The following C12orf57 variants were observed in gnomAD, a reference collection of about 807,000 sequenced individuals.
C12orf57 encodes chromosome 12 open reading frame 57, also known as protein C10.
Under a neutral mutation model 11.3 loss-of-function variants are expected in C12orf57, and 14 were observed. That is an observed-to-expected ratio of 1.24 (90% CI 0.82 to 1.94). C12orf57 has a LOEUF of 1.94. Ranked by LOEUF, C12orf57 falls within the 30% of genes most tolerant of loss-of-function variation. The pLI is 0.00. For missense variants in C12orf57, 229 were observed against 172.4 expected (o/e 1.33, Z -1.84); for synonymous variants, 100 against 74.6 (o/e 1.34, Z -1.76).
chr12:6,944,812 A>G, intron 2 of C12orf57, 160 bp downstream of exon 2: 3 of 1,464,934 alleles, frequency 2.0e-6, no homozygotes, highest in Middle Eastern at 1.8e-4. Flanking sequence ...CCCAGGGTCT[A>G]CCCTGAGCTT....
rs782400028 is a variant in C12orf57 at position 6,945,891 on chromosome 12, C to T, written c.350C>T (p.Pro117Leu). Residue 117 changes from proline to leucine, a missense_variant, in exon 3 of 3, where the codon CCT becomes CTT. Transcript: ENST00000229281. ...CCCATGACCCTGCCACCCCATGGGCCTGCTGCTGGTGGCAGCGTGGCCGCC... is the reference window on the plus strand; with the variant it reads ...CCCATGACCCTGCCACCCCATGGGCTTGCTGCTGGTGGCAGCGTGGCCGCC... ...LPPMTLPPHG[P>L]AAGGSVAAS 1.6e-5 allele frequency: 26 copies of T among 1,613,234 alleles called. No homozygotes were observed. The highest frequency in any genetic ancestry group is 9.9e-5 in the South Asian group (9 of 90,994).
intron 1 of C12orf57, 24 bp from the exon 2 acceptor site, chr12:6,944,452 C>G (rs781793091): frequency 5.6e-6 from 9 of 1,607,330 alleles, no homozygotes; most frequent in African/African-American, 2.7e-5. Context: ...CGGGACGCCT[C>G]CCTGGGATGC....
chr12:6,943,539 C>T (rs1555145306), upstream of C12orf57: 8 of 1,287,794 alleles, frequency 6.2e-6, no homozygotes, highest in Non-Finnish European at 7.1e-6. Context: ...CTGCCGAATC[C>T]AGGTCTCCGG....
At chr12:6,943,961 A>T, upstream of C12orf57, 2 of 1,534,476 alleles carry the variant, frequency 1.3e-6, no homozygotes, top group Non-Finnish European at 1.7e-6. Context: ...TGCAGTTGTA[A>T]GCTTGGGGTA....
upstream of C12orf57, chr12:6,943,934 A>C (rs985127361): frequency 7.8e-5 from 105 of 1,346,154 alleles, no homozygotes; most frequent in Non-Finnish European, 5.4e-5. Context: ...AATTATGGGT[A>C]GTTTTGGTGG....
At chr12:6,943,895 C>CTAATGAAAGAAAG (rs1591671946), upstream of C12orf57, 3 of 1,082,484 alleles carry the variant, frequency 2.8e-6, no homozygotes, top group East Asian at 2.7e-5. Context: ...ATGTTTGTTG[C>CTAATGAAAGAAAG]CAATGATAGA....
In C12orf57 at chr12:6,944,641, G is replaced by T. The variant is rs1555146073; in HGVS notation, c.218G>T (p.Cys73Phe). The T allele has an allele frequency of 1.9e-6, 3 of 1,612,040 alleles. No individual in the cohort carries two copies. Among genetic ancestry groups the T allele is most frequent in the South Asian group, 2.2e-5 (2 of 91,078 alleles). Residue 73 changes from cysteine to phenylalanine, a missense_variant, in exon 2 of 3, where the codon TGC becomes TTC. Cys to Phe is a radical substitution (Grantham distance 205, BLOSUM62 -2). Coordinates refer to ENST00000229281, the MANE Select transcript of C12orf57 (RefSeq NM_138425.4). ...QEVIKAYGFSCDGEGVLKFAR... is the reference protein window; with the variant it reads ...QEVIKAYGFSFDGEGVLKFAR... ...GTTATCAAAGCCTATGGCTTCAGCT[G>T]CGACGGGGAAGGTGGGTCAGACGCG... is the stretch of plus-strand genomic sequence containing the variant.
upstream of C12orf57, chr12:6,943,853 T>A (rs782427287): frequency 1.1e-6 from 1 of 909,286 alleles, no homozygotes; most frequent in East Asian, 3.2e-5. Context: ...CTAGTAGGCT[T>A]TCTGGCTTTT....
In C12orf57 at chr12:6,944,061, G is replaced by T; in HGVS notation, c.-61G>T. On this transcript the variant is annotated 5_prime_UTR_variant, in exon 1 of 3. Coordinates refer to ENST00000229281, the MANE Select transcript of C12orf57 (RefSeq NM_138425.4). ...GGGGCGTTGGGAACGGTTGTAGGAC[G>T]TGGCTCTTTATTCGTGAGTTTTCCA... 6.2e-7 allele frequency: 1 copy of T among 1,613,110 alleles called. No homozygotes were observed. Among genetic ancestry groups the T allele is most frequent in the Non-Finnish European group, 8.5e-7 (1 of 1,179,836 alleles).
At position 6,944,483 on chromosome 12, in the gene C12orf57, C is replaced by T. The variant is rs1201009084; in HGVS notation, c.60C>T (p.Leu20=). Residue 20 remains leucine (L), a synonymous_variant, in exon 2 of 3, where the codon CTC becomes CTT. Transcript: ENST00000229281. The stretch of plus-strand genomic sequence containing the variant: ...GATGCTTCTGGCGCGCAGTGGTCCT[C>T]GCGGAGGTGATCCAGGCGTTCTCCG... ...ALSAEQAKVV[L]AEVIQAFSAP... is the part of the protein sequence containing the mutation. 1.2e-6 allele frequency: 2 copies of T among 1,611,960 alleles called. No individual in the cohort carries two copies. Among genetic ancestry groups the T allele is most frequent in the African/African-American group, 1.3e-5 (1 of 74,876 alleles).
chr12:6,944,346 C>T (rs1555145921), intron 1 of C12orf57, 130 bp from the exon 2 acceptor site: 2 of 1,557,360 alleles, frequency 1.3e-6, no homozygotes, highest in African/African-American at 1.4e-5. Flanking sequence ...GGCGCTTGCC[C>T]CCAAGACTTG....
At chr12:6,944,899 G>C (rs1157880618) in intron 2 of C12orf57, 1 of 1,383,266 alleles carries the variant, frequency 7.2e-7, no homozygotes, top group East Asian at 2.6e-5. Context: ...AAGTGTTTCG[G>C]GTTTTTTCAG....
At chr12:6,944,969 G>A (rs1314076164) in intron 2 of C12orf57, 3 of 929,208 alleles carry the variant, frequency 3.2e-6, no homozygotes, top group African/African-American at 3.3e-5. Context: ...ATCTGAACAC[G>A]AAATTGTTTT....
At position 6,945,704 on chromosome 12, in the gene C12orf57, C is replaced by T. The variant is rs1358938424; in HGVS notation, c.230-67C>T. The T allele has an allele frequency of 9.8e-5, 151 of 1,542,902 alleles. 2 individuals carry two copies. Among genetic ancestry groups the T allele is most frequent in the Admixed American group, 4.5e-4 (25 of 55,418 alleles). ...GGAGCAGTTCATGCTTAGACTACCA[C>T]CCCCTCCAGGTGTCTTAGGCACGCT... On this transcript the variant is annotated intron_variant, in intron 2 of 2. Transcript: ENST00000229281.
At chr12:6,945,051 A>G (rs1945766596) in intron 2 of C12orf57, 2 of 379,956 alleles carry the variant, frequency 5.3e-6, no homozygotes, top group African/African-American at 4.2e-5. Flanking sequence ...AATTTTGTGC[A>G]TGAGACAAAG....
chr12:6,943,886 T>G (rs782794455), upstream of C12orf57: 21 of 1,029,686 alleles, frequency 2.0e-5, no homozygotes, highest in African/African-American at 9.8e-5. Context: ...CCTCTTATGA[T>G]GTTTGTTGCC....
In C12orf57 at chr12:6,944,033, C is replaced by G. The variant is rs969293578; in HGVS notation, c.-89C>G. On this transcript the variant is annotated 5_prime_UTR_variant, in exon 1 of 3. Transcript: ENST00000229281. The stretch of plus-strand genomic sequence containing the variant: ...GCCGGATGCTGTTTCCTTTCCGCTC[C>G]CAGGGGCGTTGGGAACGGTTGTAGG... The G allele has an allele frequency of 5.6e-6, 9 of 1,609,790 alleles. No individual in the cohort carries two copies. In the Admixed American group the frequency reaches 6.7e-5, roughly 12 times the overall value.
At chr12:6,943,578 G>A (rs1056067221), upstream of C12orf57, 2 of 1,289,588 alleles carry the variant, frequency 1.6e-6, no homozygotes, top group Non-Finnish European at 2.0e-6. Context: ...GGCTGTGACT[G>A]GCTGCTTTCT....
At position 6,944,101 on chromosome 12, in the gene C12orf57, A is replaced by G. The variant is rs1555145779; in HGVS notation, c.-21A>G. The G allele has an allele frequency of 3.1e-6, 5 of 1,614,114 alleles. No individual in the cohort carries two copies. The highest frequency in any genetic ancestry group is 1.7e-5 in the Admixed American group (1 of 60,018). ...TGAGTTTTCCATTTACCTCCGCTGA[A>G]CCTAGAGCTTCAGACGCCCTATGGC... On this transcript the variant is annotated 5_prime_UTR_variant, in exon 1 of 3. Transcript: ENST00000229281.
Sources: gnomAD v4.1 joint callset for allele counts on GRCh38, gnomAD v4.1.1 for gene constraint, MANE v1.5 for transcripts, NCBI Gene and HGNC (gene_info 2026-07-23, HGNC 2026-07-21) for gene names.